The following FGGY variants were observed in gnomAD, a reference collection of about 807,000 sequenced individuals.
FGGY encodes FGGY carbohydrate kinase domain-containing protein.
FGGY carries 72 observed loss-of-function variants against 71.3 expected under a neutral mutation model. That is an observed-to-expected ratio of 1.01 (90% CI 0.84 to 1.23). The LOEUF (loss-of-function observed/expected upper bound fraction) is 1.23. Ranked by LOEUF, FGGY falls within the 50% of genes most tolerant of loss-of-function variation. The pLI is 0.00. For synonymous variants in FGGY, 251 were observed against 250.3 expected, an observed-to-expected ratio of 1.00 and a Z score of -0.02; for missense variants, 668 against 682.3, an observed-to-expected ratio of 0.98 and a Z score of 0.23.
chr1:59,534,904 T>C (rs1036861589), intron 7 of FGGY, among the ~76,000 whole-genome samples: 9 of 149,776 alleles, frequency 6.0e-5, no homozygotes, highest in African/African-American at 2.2e-4. Context: ...CCATCGAGAC[T>C]AGGAAGAAAC....
chr1:59,651,882 G>A (rs1047872382), intron 11 of FGGY, among the ~76,000 whole-genome samples: 33 of 151,778 alleles, frequency 2.2e-4, no homozygotes, highest in African/African-American at 6.5e-4. Context: ...ATTTTGCAGC[G>A]GCTGGTACCG....
chr1:59,638,300 T>G lies in FGGY; in HGVS notation c.1146T>G (p.Leu382=). Residue 382 remains leucine (L), a synonymous_variant, in exon 11 of 16, where the codon CTT becomes CTG. Transcript: ENST00000303721. ...LIKKAQPVGF[L]TVDLHVWPDF... ...AGAAGGCTCAGCCTGTGGGTTTCCT[T>G]ACTGTTGATTTACATGTTTGGCCAG... The G allele has an allele frequency of 6.2e-7, 1 of 1,614,252 alleles. No homozygotes were observed. Among genetic ancestry groups the G allele is most frequent in the East Asian group, 2.2e-5 (1 of 44,890 alleles).
At position 59,382,691 on chromosome 1, in the gene FGGY, C is replaced by A. The variant is rs79051591; in HGVS notation, c.554+3854C>A. ...GAAAGAAATGTTTTGATCATTTTGG[C>A]CAAATGGTCTTGTTTGTTAGTCAAG... On this transcript the variant is annotated intron_variant, in intron 5 of 15. Coordinates refer to ENST00000303721, the MANE Select transcript of FGGY (RefSeq NM_018291.5). Among the ~76,000 whole-genome samples, 583 of 152,228 alleles carry A rather than the reference C, an allele frequency of 3.8e-3. 3 individuals carry two copies. Among genetic ancestry groups the A allele is most frequent in the African/African-American group, 0.014 (567 of 41,534 alleles).
At chr1:59,372,206 A>G (rs1178067071) in intron 4 of FGGY, among the ~76,000 whole-genome samples, 1 of 152,236 alleles carries the variant, frequency 6.6e-6, no homozygotes, top group Non-Finnish European at 1.5e-5. Flanking sequence ...AATAGACGCA[A>G]TTAAAAATGA....
chr1:59,406,483 G>T (rs1395013171), intron 5 of FGGY, among the ~76,000 whole-genome samples: 1 of 152,164 alleles, frequency 6.6e-6, no homozygotes, highest in Non-Finnish European at 1.5e-5. Flanking sequence ...GCCTTACAGA[G>T]ACAATAACGT....
chr1:59,589,444 A>T (rs1278683474), intron 8 of FGGY, among the ~76,000 whole-genome samples: 1 of 152,194 alleles, frequency 6.6e-6, no homozygotes, highest in Admixed American at 6.5e-5. Context: ...GACCTAATAG[A>T]CATCTACAGA....
chr1:59,679,907 A>G (rs559303540), intron 14 of FGGY, among the ~76,000 whole-genome samples: 11 of 152,304 alleles, frequency 7.2e-5, no homozygotes, highest in African/African-American at 2.6e-4. Context: ...GCTGCAACTG[A>G]CATCTCTGTT....
intron 1 of FGGY, among the ~76,000 whole-genome samples, chr1:59,313,494 G>T (rs1345196579): frequency 6.6e-6 from 1 of 152,072 alleles, no homozygotes; most frequent in Admixed American, 6.6e-5. Context: ...GTGGGTGTCA[G>T]CAATTGCAAA....
chr1:59,419,581 G>A (rs2065059270), intron 5 of FGGY, among the ~76,000 whole-genome samples: 1 of 152,146 alleles, frequency 6.6e-6, no homozygotes, highest in Non-Finnish European at 1.5e-5. Context: ...TATGAGATTG[G>A]AGTTGTACGG....
chr1:59,674,054 T>C lies in FGGY; in HGVS notation c.1433T>C (p.Leu478Pro), dbSNP rs768819490. 15 of 1,613,704 alleles carry C rather than the reference T, an allele frequency of 9.3e-6. No homozygotes were observed. In the African/African-American group the frequency reaches 2.0e-4, roughly 22 times the overall value. Residue 478 changes from leucine (L) to proline (P), a missense_variant, in exon 14 of 16, where the codon CTG becomes CCG. Leu to Pro is a moderately conservative substitution (Grantham distance 98, BLOSUM62 -3). Around this residue, in one of 2 missense-constraint regions of FGGY, gnomAD observed 661 missense variants for 661.6 expected, o/e 1.00. Coordinates refer to ENST00000303721, the MANE Select transcript of FGGY (RefSeq NM_018291.5). ...HADITGMPVV[L>P]SQEVESVLVG... ...TCCTGCGCAGGCATGCCTGTGGTCC[T>C]GTCGCAAGAGGTGGAGTCCGTTCTT...
intron 5 of FGGY, among the ~76,000 whole-genome samples, chr1:59,387,662 C>T (rs1208152737): frequency 6.6e-6 from 1 of 152,044 alleles, no homozygotes; most frequent in East Asian, 1.9e-4. Context: ...ATATTGAACA[C>T]CCTTATACCT....
In FGGY at chr1:59,566,596, A is replaced by T. The variant is rs115560941; in HGVS notation, c.903+12369A>T. On this transcript the variant is annotated intron_variant, in intron 8 of 15. Transcript: ENST00000303721. ...ATTGAAAGTCCCTACGTAATTAACC[A>T]TCAGTGGCTCCCTACTGCCAATAGA... Among the ~76,000 whole-genome samples the T allele has an allele frequency of 3.1e-3, 471 of 152,166 alleles. 1 individual carries two copies. The highest frequency in any genetic ancestry group is 0.011 in the African/African-American group (447 of 41,508).
chr1:59,539,654 C>T lies in FGGY; in HGVS notation c.800-14470C>T, dbSNP rs115006251. 3.2e-3 allele frequency among the ~76,000 whole-genome samples: 485 copies of T among 152,178 alleles called. 2 individuals are homozygous for T. The highest frequency in any genetic ancestry group is 0.011 in the African/African-American group (460 of 41,512). Reference sequence around the variant, plus strand: ...GTATGAAATTTAAAAAAATAAAGTTCCTAAAAGACAAGGTCTTCATGACTT... The same window carrying T: ...GTATGAAATTTAAAAAAATAAAGTTTCTAAAAGACAAGGTCTTCATGACTT... On this transcript the variant is annotated intron_variant, in intron 7 of 15. Transcript: ENST00000303721.
chr1:59,553,489 C>T (rs1293838941), intron 7 of FGGY, among the ~76,000 whole-genome samples: 29 of 152,208 alleles, frequency 1.9e-4, no homozygotes. Context: ...GGGAAACCCT[C>T]TGCTATTTGG....
intron 14 of FGGY, among the ~76,000 whole-genome samples, chr1:59,730,200 T>G (rs1387089543): frequency 1.3e-5 from 2 of 152,160 alleles, no homozygotes; most frequent in Non-Finnish European, 2.9e-5. Flanking sequence ...ATCTCAGCTG[T>G]GACTGTCTGG....
Position 59,378,794 on chromosome 1 carries a change from C to T in FGGY, c.511C>T (p.Leu171Phe). Residue 171 changes from leucine (L) to phenylalanine (F), a missense_variant, in exon 5 of 16, where the codon CTC (leucine) becomes TTC (phenylalanine). Leu to Phe is a conservative substitution (Grantham distance 22). Coordinates refer to ENST00000303721, the MANE Select transcript of FGGY (RefSeq NM_018291.5). ...GGATAAGGCGGGACATTTCTTTGAT[C>T]TCCCGGACTTCTTATCGTGGAAGGC... ...CWDKAGHFFDLPDFLSWKATG... is the reference protein window; with the variant it reads ...CWDKAGHFFDFPDFLSWKATG... 1 of 1,613,554 alleles carries T rather than the reference C, an allele frequency of 6.2e-7. No individual in the cohort carries two copies. The highest frequency in any genetic ancestry group is 8.5e-7 in the Non-Finnish European group (1 of 1,179,672).
intron 14 of FGGY, among the ~76,000 whole-genome samples, chr1:59,735,491 A>G (rs540460735): frequency 6.6e-6 from 1 of 152,320 alleles, no homozygotes; most frequent in Non-Finnish European, 1.5e-5. Flanking sequence ...GACCTGTGGC[A>G]TTTTCACCAT....
At chr1:59,560,601 A>G (rs1011285162) in intron 8 of FGGY, among the ~76,000 whole-genome samples, 1 of 152,204 alleles carries the variant, frequency 6.6e-6, no homozygotes, top group African/African-American at 2.4e-5. Context: ...TATTTTTAAA[A>G]TATTCATTAA....
chr1:59,467,697 T>TA lies in FGGY; in HGVS notation c.670+10628dup, dbSNP rs764018239. 5.9e-5 allele frequency among the ~76,000 whole-genome samples: 9 copies of TA among 152,144 alleles called. No homozygotes were observed. In the Middle Eastern group the frequency reaches 0.01, roughly 172 times the overall value. ...TTCTTCCCCACCACTGTACTGAAAT[T>TA]AAAAAAATAATAATAAAATGGATTT... On this transcript the variant is annotated intron_variant, in intron 6 of 15. Coordinates refer to ENST00000303721, the MANE Select transcript of FGGY (RefSeq NM_018291.5).
Sources: gnomAD v4.1 joint callset for allele counts (sites outside exome capture counted in the v4.1 genomes callset) on GRCh38, gnomAD v4.1.1 for gene constraint, gnomAD v4.1.1 regional missense constraint, MANE v1.5 for transcripts, NCBI Gene and HGNC (gene_info 2026-07-23, HGNC 2026-07-21) for gene names.